CDH22: variants seen among roughly 807,000 people sequenced by gnomAD.
The protein encoded by CDH22 is cadherin-22.
CDH22 carries 30 observed loss-of-function variants against 58.4 expected under a neutral mutation model. The ratio of observed to expected loss-of-function variants is 0.51; its 90% CI spans 0.38 to 0.70. CDH22 has a LOEUF of 0.70. Among genes scored for constraint, CDH22 ranks in the 30% least tolerant of loss-of-function variants. CDH22 has a pLI of 0.00. For missense variants in CDH22, 1,014 were observed against 1,233.9 expected (o/e 0.82, Z 2.67); for synonymous variants, 513 against 558.2 (o/e 0.92, Z 1.14).
intron 1 of CDH22, among the ~76,000 whole-genome samples, chr20:46,262,622 T>G (rs2086438858): frequency 6.6e-6 from 1 of 152,228 alleles, no homozygotes; most frequent in Non-Finnish European, 1.5e-5. Context: ...AGGTGAATAC[T>G]GTTATTTGCC....
chr20:46,278,708 C>T lies in CDH22; in HGVS notation c.-399-27015G>A, dbSNP rs978199769. 5.9e-5 allele frequency among the ~76,000 whole-genome samples: 9 copies of T among 152,220 alleles called. No individual in the cohort carries two copies. In the East Asian group the frequency reaches 1.5e-3, roughly 26 times the overall value. ...AAGCAATCCTCCCACCTCAGCCTCC[C>T]AAGTAACTAGGACTACAAGTGCGTG... On this transcript the variant is annotated intron_variant, in intron 1 of 11. Transcript: ENST00000537909.
At chr20:46,277,343 C>T (rs1425359818) in intron 1 of CDH22, among the ~76,000 whole-genome samples, 1 of 152,100 alleles carries the variant, frequency 6.6e-6, no homozygotes, top group East Asian at 1.9e-4. Flanking sequence ...GAGCAGCGGG[C>T]CAGGTTGGGA....
intron 1 of CDH22, among the ~76,000 whole-genome samples, chr20:46,307,813 C>T (rs947489091): frequency 6.6e-6 from 1 of 152,028 alleles, no homozygotes; most frequent in Admixed American, 6.5e-5. Context: ...AGCCGAGCCC[C>T]GCTAGCAGGG....
At chr20:46,249,445 ATCATTCAT>A (rs889890279) in intron 2 of CDH22, among the ~76,000 whole-genome samples, 6 of 152,160 alleles carry the variant, frequency 3.9e-5, no homozygotes, top group Admixed American at 3.9e-4. Flanking sequence ...AATTGTGGGA[ATCATTCAT>A]TCATTCATTC....
At chr20:46,223,721 T>TTC (rs1568664234) in intron 4 of CDH22, among the ~76,000 whole-genome samples, 5 of 87,006 alleles carry the variant, frequency 5.7e-5, no homozygotes, top group African/African-American at 1.6e-4. Context: ...TTCTTTTTCT[T>TTC]TCTTTCTCTT....
intron 6 of CDH22, among the ~76,000 whole-genome samples, chr20:46,211,432 A>G (rs1190740514): frequency 1.3e-5 from 2 of 152,152 alleles, no homozygotes; most frequent in Non-Finnish European, 2.9e-5. Context: ...TCCTGCCTCC[A>G]GCCTGTTGCC....
At chr20:46,186,385 G>A (rs571092172) in intron 10 of CDH22, among the ~76,000 whole-genome samples, 11 of 151,434 alleles carry the variant, frequency 7.3e-5, no homozygotes, top group Non-Finnish European at 1.2e-4. Context: ...TCCTTGGGAC[G>A]CCCTCCTCCA....
intron 2 of CDH22, among the ~76,000 whole-genome samples, chr20:46,250,594 G>C (rs1027382216): frequency 6.6e-6 from 1 of 152,342 alleles, no homozygotes; most frequent in Admixed American, 6.5e-5. Flanking sequence ...CGGAAGGGCA[G>C]TGAGGCTGAA....
chr20:46,259,791 T>C (rs1242372503), intron 1 of CDH22, among the ~76,000 whole-genome samples: 1 of 152,190 alleles, frequency 6.6e-6, no homozygotes, highest in Non-Finnish European at 1.5e-5. Context: ...ATACAGTGAA[T>C]AGTGTAGTCT....
intron 3 of CDH22, among the ~76,000 whole-genome samples, chr20:46,228,821 C>T (rs932032071): frequency 1.7e-4 from 26 of 152,194 alleles, no homozygotes; most frequent in African/African-American, 5.8e-4. Flanking sequence ...GAGGTGAGGC[C>T]AGTTCACTGC....
chr20:46,193,403 T>C (rs936860596), intron 8 of CDH22, among the ~76,000 whole-genome samples: 1 of 152,166 alleles, frequency 6.6e-6, no homozygotes, highest in African/African-American at 2.4e-5. Flanking sequence ...GCCCTGGTCC[T>C]GCCCTGGACC....
chr20:46,278,534 T>G (rs543785506), intron 1 of CDH22, among the ~76,000 whole-genome samples: 4 of 152,310 alleles, frequency 2.6e-5, no homozygotes, highest in African/African-American at 9.6e-5. Context: ...TTTCATATCA[T>G]CAGAAGGGAC....
intron 1 of CDH22, among the ~76,000 whole-genome samples, chr20:46,254,071 T>G (rs2086394330): frequency 6.6e-6 from 1 of 152,240 alleles, no homozygotes; most frequent in Admixed American, 6.5e-5. Flanking sequence ...ATCCTTTCAC[T>G]CATTCATTTA....
chr20:46,240,648 G>C (rs1288892930), intron 3 of CDH22, among the ~76,000 whole-genome samples: 1 of 152,140 alleles, frequency 6.6e-6, no homozygotes, highest in Non-Finnish European at 1.5e-5. Flanking sequence ...GGCATGTCCA[G>C]ATCTGCAGCT....
At chr20:46,182,649 G>C (rs1459083744) in intron 10 of CDH22, among the ~76,000 whole-genome samples, 1 of 152,186 alleles carries the variant, frequency 6.6e-6, no homozygotes, top group Non-Finnish European at 1.5e-5. Context: ...GCTTCAGTTG[G>C]GGAAGCCTCT....
chr20:46,248,987 T>C (rs1222538498), intron 2 of CDH22, among the ~76,000 whole-genome samples: 3 of 152,212 alleles, frequency 2.0e-5, no homozygotes, highest in Admixed American at 2.0e-4. Context: ...TTAAGTACTT[T>C]ATATGGGAAT....
intron 8 of CDH22, among the ~76,000 whole-genome samples, 178 bp downstream of exon 8, chr20:46,199,245 C>T (rs1260814720): frequency 1.3e-5 from 2 of 152,260 alleles, no homozygotes; most frequent in African/African-American, 2.4e-5. Flanking sequence ...GCCTTCACCG[C>T]TGTGAGATCT....
intron 3 of CDH22, among the ~76,000 whole-genome samples, chr20:46,238,726 A>C (rs887633628): frequency 2.0e-5 from 3 of 152,234 alleles, no homozygotes; most frequent in African/African-American, 7.2e-5. Context: ...TCTAGGATAT[A>C]TCCAAAAGGC....
intron 8 of CDH22, among the ~76,000 whole-genome samples, chr20:46,198,324 AC>A (rs2085924873): frequency 1.3e-5 from 2 of 151,038 alleles, no homozygotes; most frequent in South Asian, 2.1e-4. Flanking sequence ...ACACACACAC[AC>A]ACACACATAT....
Sources: allele counts gnomAD v4.1 joint callset (sites outside exome capture counted in the v4.1 genomes callset), GRCh38; gene constraint gnomAD v4.1.1; transcripts MANE v1.5; gene names NCBI Gene and HGNC (gene_info 2026-07-23, HGNC 2026-07-21).